Variants in NXPH1 observed in about 807,000 individuals in gnomAD.
NXPH1 encodes neurexophilin 1, also known as neurexophilin-1.
NXPH1 carries 5 observed loss-of-function variants against 23.7 expected under a neutral mutation model. That is an observed-to-expected ratio of 0.21 (90% CI 0.11 to 0.44). The LOEUF (loss-of-function observed/expected upper bound fraction) is 0.44. Ranked by LOEUF, NXPH1 falls within the 20% of genes least tolerant of loss-of-function variation. The pLI, the probability that NXPH1 is intolerant of heterozygous loss-of-function variation, is 0.99. For missense variants in NXPH1, 324 were observed against 321.6 expected (o/e 1.01, Z -0.06); for synonymous variants, 144 against 122.2 (o/e 1.18, Z -1.18).
intron 2 of NXPH1, among the ~76,000 whole-genome samples, chr7:8,466,951 A>AT (rs2128607713): frequency 6.6e-6 from 1 of 152,126 alleles, no homozygotes; most frequent in Non-Finnish European, 1.5e-5. Context: ...CATTTCCTTA[A>AT]TTTTTCCAAA....
intron 2 of NXPH1, among the ~76,000 whole-genome samples, chr7:8,722,573 T>C (rs1211233246): frequency 1.3e-5 from 2 of 152,218 alleles, no homozygotes; most frequent in African/African-American, 4.8e-5. Context: ...GGTTTGCAAA[T>C]GGTGCCAATT....
At chr7:8,692,179 AT>A (rs1298000651) in intron 2 of NXPH1, among the ~76,000 whole-genome samples, 2 of 151,830 alleles carry the variant, frequency 1.3e-5, no homozygotes, top group Non-Finnish European at 2.9e-5. Context: ...AAGAGTTCAG[AT>A]TTTATTCTTT....
chr7:8,657,566 G>C (rs1263765469), intron 2 of NXPH1, among the ~76,000 whole-genome samples: 1 of 152,182 alleles, frequency 6.6e-6, no homozygotes, highest in Non-Finnish European at 1.5e-5. Flanking sequence ...TCAGAGATGA[G>C]GGCTCATGGC....
In NXPH1 at chr7:8,442,787, G is replaced by A. The variant is rs957518505; in HGVS notation, c.54+7020G>A. On this transcript the variant is annotated intron_variant, in intron 2 of 2. Transcript: ENST00000405863. The surrounding 1 kb of genome is among the most constrained non-coding windows in gnomAD (Gnocchi z 4.6). ...ATGGAAACACAGATGCAGCCCTCTC[G>A]CGTCCGGAGCCCAAGTCCCCATGCA... is the stretch of plus-strand genomic sequence containing the variant. Among the ~76,000 whole-genome samples, 3 of 152,138 alleles carry A rather than the reference G, an allele frequency of 2.0e-5. No homozygotes were observed. In the East Asian group the frequency reaches 5.8e-4, roughly 29 times the overall value.
chr7:8,667,845 T>C (rs1044292508), intron 2 of NXPH1, among the ~76,000 whole-genome samples: 1 of 152,064 alleles, frequency 6.6e-6, no homozygotes, highest in Non-Finnish European at 1.5e-5. Flanking sequence ...AGCTGTCCCA[T>C]AAATCCCATG....
chr7:8,520,090 A>C (rs2128615501), intron 2 of NXPH1, among the ~76,000 whole-genome samples: 1 of 152,310 alleles, frequency 6.6e-6, no homozygotes, highest in East Asian at 1.9e-4. Context: ...TAAACCCCAA[A>C]TTCAAAAATG....
At chr7:8,439,540 G>C (rs879859957) in intron 2 of NXPH1, among the ~76,000 whole-genome samples, 1 of 152,238 alleles carries the variant, frequency 6.6e-6, no homozygotes, top group African/African-American at 2.4e-5. Flanking sequence ...ATTCTAATGA[G>C]AAGGGGTCCC....
At chr7:8,593,490 G>C (rs913775398) in intron 2 of NXPH1, among the ~76,000 whole-genome samples, 1 of 151,908 alleles carries the variant, frequency 6.6e-6, no homozygotes, top group East Asian at 1.9e-4. Flanking sequence ...CTCTTCCCTT[G>C]TGGAATAAAT....
chr7:8,447,040 C>T (rs1816418429), intron 2 of NXPH1, among the ~76,000 whole-genome samples: 1 of 152,118 alleles, frequency 6.6e-6, no homozygotes, highest in South Asian at 2.1e-4. Flanking sequence ...ATGGAAAACT[C>T]TTAAAAGCAT....
chr7:8,748,097 C>A (rs1780501584), intron 2 of NXPH1, among the ~76,000 whole-genome samples: 1 of 152,102 alleles, frequency 6.6e-6, no homozygotes, highest in Admixed American at 6.5e-5. Flanking sequence ...TATGCATAAT[C>A]CTCCTCTCCC....
At chr7:8,581,524 A>T (rs1388527356) in intron 2 of NXPH1, among the ~76,000 whole-genome samples, 1 of 152,120 alleles carries the variant, frequency 6.6e-6, no homozygotes, top group Non-Finnish European at 1.5e-5. Flanking sequence ...GCAAGGGGAA[A>T]ATCTGCCCCC....
chr7:8,457,513 T>C (rs1044435091), intron 2 of NXPH1, among the ~76,000 whole-genome samples: 10 of 151,208 alleles, frequency 6.6e-5, no homozygotes, highest in African/African-American at 2.4e-4. Flanking sequence ...TTGCCATTGG[T>C]AGAATGCTTT....
intron 2 of NXPH1, among the ~76,000 whole-genome samples, chr7:8,473,336 T>C (rs1338700611): frequency 2.0e-5 from 3 of 152,150 alleles, no homozygotes; most frequent in East Asian, 1.9e-4. Context: ...ATGTTATCCA[T>C]CATAAATGTA....
intron 2 of NXPH1, among the ~76,000 whole-genome samples, chr7:8,538,276 T>G (rs1007500476): frequency 6.6e-6 from 1 of 151,944 alleles, no homozygotes; most frequent in Non-Finnish European, 1.5e-5. Flanking sequence ...CCTTAAGGCA[T>G]ACAAGCCATT....
chr7:8,684,476 A>G (rs1320927010), intron 2 of NXPH1, among the ~76,000 whole-genome samples: 4 of 152,090 alleles, frequency 2.6e-5, no homozygotes, highest in Admixed American at 2.6e-4. Flanking sequence ...ATGTTTTAAG[A>G]TGGTATGTAT....
At chr7:8,457,014 GA>G (rs1258482665) in intron 2 of NXPH1, among the ~76,000 whole-genome samples, 1 of 152,172 alleles carries the variant, frequency 6.6e-6, no homozygotes, top group African/African-American at 2.4e-5. Context: ...CTAGGACAAA[GA>G]ACCCCTAATG....
At chr7:8,561,150 G>T (rs1262356151) in intron 2 of NXPH1, among the ~76,000 whole-genome samples, 2 of 151,558 alleles carry the variant, frequency 1.3e-5, no homozygotes, top group Admixed American at 6.6e-5. Context: ...ACTCAGCTGG[G>T]CTCTGATACT....
intron 2 of NXPH1, among the ~76,000 whole-genome samples, chr7:8,504,495 A>G (rs997232163): frequency 3.9e-5 from 6 of 151,994 alleles, no homozygotes; most frequent in African/African-American, 7.2e-5. Context: ...CACCTATGTA[A>G]AGCAGCATCA....
chr7:8,499,512 A>C (rs1270346120), intron 2 of NXPH1, among the ~76,000 whole-genome samples: 1 of 152,116 alleles, frequency 6.6e-6, no homozygotes, highest in Non-Finnish European at 1.5e-5. Context: ...GATTCAGCCT[A>C]AGTAGCTTGT....
Sources: gnomAD v4.1 joint callset for allele counts (sites outside exome capture counted in the v4.1 genomes callset) on GRCh38, gnomAD v4.1.1 for gene constraint, Gnocchi (gnomAD v3.1) non-coding constraint, MANE v1.5 for transcripts, NCBI Gene and HGNC (gene_info 2026-07-23, HGNC 2026-07-21) for gene names.